TP63: variants seen among roughly 807,000 people sequenced by gnomAD.
The protein encoded by TP63 is tumor protein 63.
A neutral mutation model predicts 82.8 loss-of-function variants in TP63; 17 were observed. The observed-to-expected ratio is 0.21, with a 90% CI of 0.14 to 0.31. TP63 has a LOEUF of 0.31. Among genes scored for constraint, TP63 ranks in the 10% least tolerant of loss-of-function variants. TP63 has a pLI of 1.00. For missense variants in TP63, 648 were observed against 895.3 expected, an observed-to-expected ratio of 0.72 and a Z score of 3.52; for synonymous variants, 330 against 321.7, an observed-to-expected ratio of 1.03 and a Z score of -0.28.
chr3:189,841,434 C>T (rs1028493947), intron 4 of TP63, among the ~76,000 whole-genome samples: 4 of 152,162 alleles, frequency 2.6e-5, no homozygotes, highest in African/African-American at 4.8e-5. Context: ...TCCATACTGT[C>T]GATACATAGT....
intron 4 of TP63, among the ~76,000 whole-genome samples, chr3:189,840,769 A>G (rs1577077930): frequency 6.8e-6 from 1 of 146,690 alleles, no homozygotes; most frequent in Non-Finnish European, 1.5e-5. Context: ...GAGGCAGAGA[A>G]TTGCTTGAAC....
intron 1 of TP63, among the ~76,000 whole-genome samples, chr3:189,641,107 GGA>G (rs1711829387): frequency 6.6e-6 from 1 of 151,930 alleles, no homozygotes; most frequent in Non-Finnish European, 1.5e-5. Flanking sequence ...ATAGGAGAAG[GGA>G]AATAGTTCAC....
intron 1 of TP63, among the ~76,000 whole-genome samples, chr3:189,663,199 G>C (rs1467510779): frequency 2.0e-5 from 3 of 152,042 alleles, no homozygotes; most frequent in Non-Finnish European, 2.9e-5. Context: ...ATATCAGTAA[G>C]TATCAAAATA....
At chr3:189,857,348 C>A (rs1000787197) in intron 4 of TP63, among the ~76,000 whole-genome samples, 11 of 152,114 alleles carry the variant, frequency 7.2e-5, no homozygotes, top group Admixed American at 2.6e-4. Context: ...GAATTATAAA[C>A]CCTTAACTCA....
At chr3:189,740,095 C>T (rs1459442912) in intron 3 of TP63, among the ~76,000 whole-genome samples, 1 of 152,144 alleles carries the variant, frequency 6.6e-6, no homozygotes, top group Non-Finnish European at 1.5e-5. Flanking sequence ...TACATAGATG[C>T]TTTGTCACTA....
At chr3:189,774,274 AAAAC>A (rs1560173903) in intron 3 of TP63, among the ~76,000 whole-genome samples, 1 of 152,176 alleles carries the variant, frequency 6.6e-6, no homozygotes, top group African/African-American at 2.4e-5. Flanking sequence ...AACAAAAACA[AAAAC>A]AAAAAAACCA....
At chr3:189,889,547 A>T (rs771359621) in intron 12 of TP63, 63 bp downstream of exon 12, 11 of 1,607,742 alleles carry the variant, frequency 6.8e-6, no homozygotes, top group Non-Finnish European at 9.4e-6. Flanking sequence ...TGGAGGGCGG[A>T]TACTGTTATA....
chr3:189,765,433 CTTTTTTTTT>C (rs576530590), intron 3 of TP63, among the ~76,000 whole-genome samples: 1 of 30,088 alleles, frequency 3.3e-5, no homozygotes, highest in African/African-American at 1.2e-4. Context: ...CTGTCCTCTG[CTTTTTTTTT>C]TTTTTTTTTT....
intron 10 of TP63, among the ~76,000 whole-genome samples, chr3:189,875,703 A>G (rs1719137616): frequency 7.4e-6 from 1 of 135,774 alleles, no homozygotes; most frequent in African/African-American, 2.8e-5. Context: ...ATCTCCTTTC[A>G]TTGCTTCTTG....
At chr3:189,881,459 T>G in intron 10 of TP63, 1 of 985,294 alleles carries the variant, frequency 1.0e-6, no homozygotes, top group East Asian at 1.1e-4. Context: ...TGTGGATGTG[T>G]GATTTTAATT....
the TP63 span, among the ~76,000 whole-genome samples, chr3:189,600,106 A>G: frequency 3.1e-4 from 47 of 152,350 alleles, no homozygotes; most frequent in Non-Finnish European, 6.3e-4. Flanking sequence ...AATTAAACCA[A>G]TAATTTACTT....
intron 1 of TP63, among the ~76,000 whole-genome samples, chr3:189,654,013 T>G (rs1713112104): frequency 6.6e-6 from 1 of 152,154 alleles, no homozygotes; most frequent in South Asian, 2.1e-4. Context: ...ATTTAAAGAT[T>G]CAAATAATGA....
At chr3:189,870,633 C>T (rs1718306097) in intron 9 of TP63, among the ~76,000 whole-genome samples, 1 of 152,122 alleles carries the variant, frequency 6.6e-6, no homozygotes, top group South Asian at 2.1e-4. Context: ...TATGTAAGAA[C>T]CTCATTAATT....
chr3:189,879,649 T>C (rs1719689611), intron 10 of TP63, among the ~76,000 whole-genome samples: 1 of 152,182 alleles, frequency 6.6e-6, no homozygotes, highest in South Asian at 2.1e-4. Flanking sequence ...TTTTTTTTAA[T>C]TGAGTCCAGT....
At chr3:189,770,094 G>C (rs1723223670) in intron 3 of TP63, among the ~76,000 whole-genome samples, 1 of 152,308 alleles carries the variant, frequency 6.6e-6, no homozygotes, top group South Asian at 2.1e-4. Context: ...TGAGGCGGTA[G>C]TAGCCTCATC....
At chr3:189,749,195 C>A (rs1721610990) in intron 3 of TP63, among the ~76,000 whole-genome samples, 1 of 151,572 alleles carries the variant, frequency 6.6e-6, no homozygotes, top group Non-Finnish European at 1.5e-5. Context: ...AAAAATGGGG[C>A]TATTAAACTA....
intron 3 of TP63, among the ~76,000 whole-genome samples, chr3:189,786,035 CA>C (rs1376909497): frequency 6.6e-6 from 1 of 151,742 alleles, no homozygotes; most frequent in African/African-American, 2.4e-5. Flanking sequence ...TACAACAAAC[CA>C]AAAAAATCCA....
At chr3:189,651,056 T>C (rs1712846972) in intron 1 of TP63, among the ~76,000 whole-genome samples, 1 of 147,292 alleles carries the variant, frequency 6.8e-6, no homozygotes, top group Non-Finnish European at 1.5e-5. Context: ...GGAACTGTAA[T>C]AGAAGTGACT....
intron 3 of TP63, among the ~76,000 whole-genome samples, chr3:189,754,175 A>G (rs1722017848): frequency 6.6e-6 from 1 of 152,080 alleles, no homozygotes; most frequent in Admixed American, 6.6e-5. Context: ...TTTTTATCAG[A>G]TGAGTTTTTT....
Sources: gnomAD v4.1 joint callset for allele counts (sites outside exome capture counted in the v4.1 genomes callset) on GRCh38, gnomAD v4.1.1 for gene constraint, MANE v1.5 for transcripts, NCBI Gene and HGNC (gene_info 2026-07-23, HGNC 2026-07-21) for gene names.